SYNE1: variants seen among roughly 807,000 people sequenced by gnomAD.
SYNE1 encodes the protein nesprin-1.
Under a neutral mutation model 1,111.0 loss-of-function variants are expected in SYNE1, and 616 were observed. The ratio of observed to expected loss-of-function variants is 0.55; its 90% CI spans 0.52 to 0.59. The LOEUF is 0.59. SYNE1 is among the 20% of genes least tolerant of loss of function. SYNE1 has a pLI of 0.00. For missense variants in SYNE1, 10,006 were observed against 10,417.0 expected (o/e 0.96, Z 1.72); for synonymous variants, 3,855 against 3,825.8 (o/e 1.01, Z -0.28).
chr6:152,164,500 C>T (rs763308587), intron 130 of SYNE1, among the ~76,000 whole-genome samples, 175 bp from the exon 131 acceptor site: 10 of 152,152 alleles, frequency 6.6e-5, no homozygotes, highest in Non-Finnish European at 1.3e-4. Context: ...TGAATACAGA[C>T]AAAGGAGCAA....
chr6:152,148,418 C>G lies in SYNE1; in HGVS notation c.24643-40G>C. The G allele has an allele frequency of 6.3e-7, 1 of 1,594,364 alleles. No individual in the cohort carries two copies. The highest frequency in any genetic ancestry group is 8.6e-7 in the Non-Finnish European group (1 of 1,169,444). On this transcript the variant is annotated intron_variant, in intron 136 of 145. Transcript: ENST00000367255. This position sits in a 1 kb window ranked among gnomAD's most constrained non-coding sequence, Gnocchi z 4.1. Reference sequence around the variant, plus strand: ...AAGGCAACCCTGTCACTGTAGTGGTCAGACTAGCTTCTTATCTGGGCCACC... The same window carrying G: ...AAGGCAACCCTGTCACTGTAGTGGTGAGACTAGCTTCTTATCTGGGCCACC...
In SYNE1 at chr6:152,461,565, A is replaced by G. The variant is rs781323466; in HGVS notation, c.2394+32T>C. 2.5e-6 allele frequency: 4 copies of G among 1,613,768 alleles called. No homozygotes were observed. The South Asian group carries it at 4.4e-5, about 18-fold the overall frequency. The stretch of plus-strand genomic sequence containing the variant: ...AAGCTGAAGGCACTGTTGGTGTCAC[A>G]CAGCCTATTGTGCATTAAATTATTT... On this transcript the variant is annotated intron_variant, in intron 21 of 145. Coordinates refer to ENST00000367255, the MANE Select transcript of SYNE1 (RefSeq NM_182961.4).
Position 152,231,578 on chromosome 6 carries a change from A to G in SYNE1, c.20863-11T>C. The G allele has an allele frequency of 6.2e-7, 1 of 1,613,318 alleles. No individual in the cohort carries two copies. Among genetic ancestry groups the G allele is most frequent in the East Asian group, 2.2e-5 (1 of 44,842 alleles). On this transcript the variant is annotated splice_polypyrimidine_tract_variant and intron_variant, in intron 113 of 145. Coordinates refer to ENST00000367255, the MANE Select transcript of SYNE1 (RefSeq NM_182961.4). ...GTCTATCTTAAAACCCTAAAAAAAA[A>G]GAGGAGAAAATAAGATTATACAATA... is the stretch of plus-strand genomic sequence containing the variant.
chr6:152,565,669 TAAA>T (rs397886571), intron 3 of SYNE1, among the ~76,000 whole-genome samples: 1 of 141,638 alleles, frequency 7.1e-6, no homozygotes, highest in Admixed American at 7.1e-5. Flanking sequence ...TGCTGAAGTT[TAAA>T]AAAAAAAAAA....
intron 122 of SYNE1, among the ~76,000 whole-genome samples, chr6:152,214,065 G>C (rs1206123483): frequency 1.3e-5 from 2 of 152,114 alleles, no homozygotes; most frequent in African/African-American, 4.8e-5. Flanking sequence ...GCCGGGTGTG[G>C]TGGTGTGTGA....
intron 56 of SYNE1, among the ~76,000 whole-genome samples, chr6:152,377,165 T>C (rs1680045963): frequency 6.6e-6 from 1 of 152,000 alleles, no homozygotes; most frequent in Non-Finnish European, 1.5e-5. Flanking sequence ...AGTGATTAAG[T>C]GGTGAAATGA....
intron 34 of SYNE1, among the ~76,000 whole-genome samples, chr6:152,432,069 A>G (rs1357258842): frequency 6.6e-6 from 1 of 152,150 alleles, no homozygotes; most frequent in Admixed American, 6.6e-5. Context: ...GAATCACTCA[A>G]TCATATTGTT....
chr6:152,200,579 A>G (rs2813539), intron 127 of SYNE1, among the ~76,000 whole-genome samples: 61,383 of 151,926 alleles, frequency 0.4, 13,259 homozygotes, highest in East Asian at 0.57. Context: ...AAATTTCTTT[A>G]GATATGGAGT....
rs1221115776 is a variant in SYNE1, at chr6:152,301,994, T to C, written c.17416A>G (p.Thr5806Ala). Reference sequence around the variant, plus strand: ...ATGGTGGCGTGCTTGGCTTTCATCGTCAGCATCTTGCACTTGGAATTCAAA... The same window carrying C: ...ATGGTGGCGTGCTTGGCTTTCATCGCCAGCATCTTGCACTTGGAATTCAAA... ...ASLNSKCKML[T>A]MKAKHATMLL... Residue 5806 changes from threonine to alanine, a missense_variant, in exon 92 of 146, where the codon ACG (threonine) becomes GCG (alanine). By Grantham distance (58) the Thr-to-Ala change is moderately conservative (BLOSUM62 0). Coordinates refer to ENST00000367255, the MANE Select transcript of SYNE1 (RefSeq NM_182961.4). 6.2e-7 allele frequency: 1 copy of C among 1,614,274 alleles called. No individual in the cohort carries two copies. Among genetic ancestry groups the C allele is most frequent in the South Asian group, 1.1e-5 (1 of 91,088 alleles).
chr6:152,290,460 G>A (rs796669404), intron 95 of SYNE1, among the ~76,000 whole-genome samples: 7 of 152,324 alleles, frequency 4.6e-5, no homozygotes, highest in African/African-American at 1.7e-4. Context: ...GGGAGGCTGA[G>A]GCAGGAGAAT....
Position 152,539,845 on chromosome 6 carries a change from G to A in SYNE1, c.129+115C>T, listed in dbSNP as rs558558165. The A allele has an allele frequency of 5.0e-5, 56 of 1,128,450 alleles. No homozygotes were observed. The South Asian group carries it at 6.5e-4, about 13-fold the overall frequency. 69.9% of individuals were successfully genotyped at this position (1,128,450 alleles called of 1,614,324 possible). On this transcript the variant is annotated intron_variant, in intron 4 of 145. Transcript: ENST00000367255. ...AGCTAGACCAACCAATAAGATTACA[G>A]TATCATTGATTCGCAACAGTGACAA... is the stretch of plus-strand genomic sequence containing the variant.
At chr6:152,457,413 C>T (rs2098703104) in intron 22 of SYNE1, among the ~76,000 whole-genome samples, 1 of 152,136 alleles carries the variant, frequency 6.6e-6, no homozygotes, top group African/African-American at 2.4e-5. Flanking sequence ...TCCCATGAAC[C>T]TATGTCAATT....
intron 46 of SYNE1, 105 bp downstream of exon 46, chr6:152,404,108 T>C (rs1289197783): frequency 1.8e-5 from 12 of 658,414 alleles, no homozygotes; most frequent in Non-Finnish European, 3.2e-5. Flanking sequence ...ATATGAGATA[T>C]ATATATATAC....
intron 2 of SYNE1, among the ~76,000 whole-genome samples, chr6:152,629,182 T>G (rs1191862358): frequency 6.6e-6 from 1 of 152,058 alleles, no homozygotes; most frequent in Non-Finnish European, 1.5e-5. Context: ...GTGGACATTT[T>G]CCTTCTAAAT....
At chr6:152,132,048 T>C in intron 144 of SYNE1, 74 bp downstream of exon 144, 1 of 1,380,608 alleles carries the variant, frequency 7.2e-7, no homozygotes, top group South Asian at 1.2e-5. Context: ...GTGAACCCTG[T>C]GGTGGGTGCA....
At chr6:152,351,626 T>C (rs541470708) in intron 70 of SYNE1, among the ~76,000 whole-genome samples, 2 of 152,326 alleles carry the variant, frequency 1.3e-5, no homozygotes, top group South Asian at 4.1e-4. Context: ...ATTTTCAATT[T>C]ACCATAGGTC....
chr6:152,400,746 A>G (rs1371713540), intron 47 of SYNE1, among the ~76,000 whole-genome samples: 1 of 152,180 alleles, frequency 6.6e-6, no homozygotes, highest in Non-Finnish European at 1.5e-5. Context: ...CATTATCTGG[A>G]TGAAAGAAGT....
intron 137 of SYNE1, chr6:152,144,172 T>A (rs2059036894): frequency 3.3e-6 from 1 of 304,168 alleles, no homozygotes; most frequent in African/African-American, 2.2e-5. Context: ...TATCGCTTAG[T>A]GAGCAGGGGA....
At chr6:152,443,986 A>C (rs2098554838) in intron 30 of SYNE1, among the ~76,000 whole-genome samples, 1 of 152,220 alleles carries the variant, frequency 6.6e-6, no homozygotes, top group Non-Finnish European at 1.5e-5. Flanking sequence ...TTCTCAAACT[A>C]AAGTGTGTTC....
Sources: gnomAD v4.1 joint callset for allele counts (sites outside exome capture counted in the v4.1 genomes callset) on GRCh38, gnomAD v4.1.1 for gene constraint, Gnocchi (gnomAD v3.1) non-coding constraint, MANE v1.5 for transcripts, NCBI Gene and HGNC (gene_info 2026-07-23, HGNC 2026-07-21) for gene names.